C3orf70: variants seen among roughly 807,000 people sequenced by gnomAD.
C3orf70 encodes the protein chromosome 3 open reading frame 70, also known as UPF0524 protein C3orf70.
In C3orf70, 15 loss-of-function variants were observed where a neutral mutation model predicts 20.7. The observed-to-expected ratio is 0.72, with a 90% CI of 0.48 to 1.11. The LOEUF (loss-of-function observed/expected upper bound fraction) is 1.11. C3orf70 is among the 50% of genes most tolerant of loss of function. The probability of loss-of-function intolerance (pLI) is 0.00; values close to 1 mark genes in which losing one functional copy is unlikely to be tolerated. For missense variants in C3orf70, 332 were observed against 317.6 expected, an observed-to-expected ratio of 1.05 and a Z score of -0.34; for synonymous variants, 161 against 125.7, an observed-to-expected ratio of 1.28 and a Z score of -1.88.
chr3:185,125,016 T>C (rs1260492269), intron 1 of C3orf70, among the ~76,000 whole-genome samples: 1 of 152,152 alleles, frequency 6.6e-6, no homozygotes, highest in Non-Finnish European at 1.5e-5. Context: ...TGTCGAGTGC[T>C]GGCAAGGATG....
chr3:185,101,936 G>T (rs536903108), intron 1 of C3orf70, among the ~76,000 whole-genome samples: 1 of 152,106 alleles, frequency 6.6e-6, no homozygotes, highest in Non-Finnish European at 1.5e-5. Flanking sequence ...AAAATAATAA[G>T]AACCATCTAT....
intron 1 of C3orf70, among the ~76,000 whole-genome samples, chr3:185,100,312 C>A (rs969943250): frequency 2.0e-5 from 3 of 152,102 alleles, no homozygotes; most frequent in African/African-American, 7.2e-5. Flanking sequence ...ACACACTCAG[C>A]AAATGCAAAA....
Position 185,076,941 on chromosome 3 carries a change from TAG to T in C3orf70, c.*6064_*6065del, listed in dbSNP as rs1428194969. 3.3e-5 allele frequency among the ~76,000 whole-genome samples: 5 copies of T among 152,054 alleles called. No individual in the cohort carries two copies. Among genetic ancestry groups the T allele is most frequent in the Non-Finnish European group, 7.4e-5 (5 of 68,016 alleles). On this transcript the variant is annotated 3_prime_UTR_variant, in exon 2 of 2. Transcript: ENST00000335012. ...TCTAGGACTTGGCAATACAATTAGG[TAG>T]AGAGTTAAAACAGTAGAGTGCACAC...
chr3:185,123,023 C>T (rs536735742), intron 1 of C3orf70, among the ~76,000 whole-genome samples: 56 of 150,198 alleles, frequency 3.7e-4, no homozygotes, highest in South Asian at 3.0e-3. Flanking sequence ...AAAAGAAATA[C>T]AAAAATTAGC....
chr3:185,114,061 T>C (rs968283447), intron 1 of C3orf70, among the ~76,000 whole-genome samples: 3 of 152,018 alleles, frequency 2.0e-5, no homozygotes, highest in Non-Finnish European at 4.4e-5. Context: ...TAGCCGGCCA[T>C]GGTGGCACAT....
At chr3:185,103,905 G>A (rs948763563) in intron 1 of C3orf70, among the ~76,000 whole-genome samples, 1 of 152,184 alleles carries the variant, frequency 6.6e-6, no homozygotes, top group African/African-American at 2.4e-5. Flanking sequence ...GTGGGAACCT[G>A]CACAGGGAGG....
At position 185,078,690 on chromosome 3, in the gene C3orf70, G is replaced by A. The variant is rs1486944338; in HGVS notation, c.*4317C>T. The A allele has an allele frequency of 6.6e-6, 1 of 152,088 alleles. No individual in the cohort carries two copies. The allele number at this position is 152,088 out of a possible 1,614,324, so 9.4% of individuals were successfully genotyped here. A position where few individuals can be genotyped will look rare whatever the true frequency, so the allele number is the denominator to read the frequency against. On this transcript the variant is annotated 3_prime_UTR_variant, in exon 2 of 2. Coordinates refer to ENST00000335012, the MANE Select transcript of C3orf70 (RefSeq NM_001025266.3). ...TGGTTCACACCTCCTCTGGAGAAGG[G>A]GACAGAAGAGAAAACTGTTAAAACT... is the stretch of plus-strand genomic sequence containing the variant.
rs892807707 is a variant in C3orf70, at chr3:185,152,510, G to C, written c.196+118C>G. 4.7e-5 allele frequency: 41 copies of C among 863,242 alleles called. No individual in the cohort carries two copies. The Middle Eastern group carries it at 1.1e-3, about 24-fold the overall frequency. The allele number at this position is 863,242 out of a possible 1,614,324, so 53.5% of individuals were successfully genotyped here. On this transcript the variant is annotated intron_variant, in intron 1 of 1. Coordinates refer to ENST00000335012, the MANE Select transcript of C3orf70 (RefSeq NM_001025266.3). Reference sequence around the variant, plus strand: ...CCCACGGCGGCCCCAGCCTCCGGCAGAGCAGCCCCGGCAGAGCCCGGAGCC... The same window carrying C: ...CCCACGGCGGCCCCAGCCTCCGGCACAGCAGCCCCGGCAGAGCCCGGAGCC...
intron 1 of C3orf70, among the ~76,000 whole-genome samples, chr3:185,129,588 G>A (rs570552193): frequency 5.5e-4 from 84 of 152,306 alleles, no homozygotes; most frequent in African/African-American, 2.0e-3. Context: ...TGGTGGGACT[G>A]CTGGGTCAAA....
At chr3:185,152,232 G>C (rs886612329) in intron 1 of C3orf70, among the ~76,000 whole-genome samples, 1 of 152,036 alleles carries the variant, frequency 6.6e-6, no homozygotes, top group African/African-American at 2.4e-5. Flanking sequence ...CAGCAACCTT[G>C]AAAAAAGGCA....
chr3:185,113,057 T>G (rs1223601502), intron 1 of C3orf70, among the ~76,000 whole-genome samples: 1 of 152,158 alleles, frequency 6.6e-6, no homozygotes, highest in Non-Finnish European at 1.5e-5. Context: ...CATAGAGATT[T>G]GCAATGAAAA....
intron 1 of C3orf70, among the ~76,000 whole-genome samples, chr3:185,134,631 A>G (rs1447154895): frequency 6.6e-6 from 1 of 152,186 alleles, no homozygotes; most frequent in East Asian, 1.9e-4. Context: ...GAGCAACCTA[A>G]AATGACAAAA....
intron 1 of C3orf70, among the ~76,000 whole-genome samples, chr3:185,094,763 A>G (rs2108590190): frequency 6.6e-6 from 1 of 152,326 alleles, no homozygotes; most frequent in African/African-American, 2.4e-5. Flanking sequence ...TTGGAAAGTC[A>G]TACTTATCCA....
At chr3:185,094,552 C>T (rs1715662257) in intron 1 of C3orf70, among the ~76,000 whole-genome samples, 1 of 151,966 alleles carries the variant, frequency 6.6e-6, no homozygotes, top group African/African-American at 2.4e-5. Context: ...AAGAGCTATT[C>T]TGCTGAATAA....
At position 185,113,293 on chromosome 3, in the gene C3orf70, A is replaced by AAAAAAAG. The variant is rs1473919376; in HGVS notation, c.197-29737_197-29731dup. On this transcript the variant is annotated intron_variant, in intron 1 of 1. Coordinates refer to ENST00000335012, the MANE Select transcript of C3orf70 (RefSeq NM_001025266.3). Reference sequence around the variant, plus strand: ...ATCTCTACTAAAAAATACAAAAAAGAAAAAAAGAAAGTTAATGGCAATGTA... The same window carrying AAAAAAAG: ...ATCTCTACTAAAAAATACAAAAAAGAAAAAAAGAAAAAAGAAAGTTAATGGCAATGTA... Among the ~76,000 whole-genome samples, 14 of 146,560 alleles carry AAAAAAAG rather than the reference A, an allele frequency of 9.6e-5. No homozygotes were observed. The East Asian group carries it at 1.9e-3, about 20-fold the overall frequency.
At chr3:185,147,574 C>T (rs188413874) in intron 1 of C3orf70, among the ~76,000 whole-genome samples, 9 of 152,292 alleles carry the variant, frequency 5.9e-5, no homozygotes, top group Middle Eastern at 3.4e-3. Flanking sequence ...GAGCTAGATC[C>T]GAATCCAGGC....
chr3:185,133,987 G>A (rs554524757), intron 1 of C3orf70, among the ~76,000 whole-genome samples: 2 of 152,142 alleles, frequency 1.3e-5, no homozygotes, highest in South Asian at 4.1e-4. Context: ...TACTCAGGAG[G>A]CTGAGGTGGG....
At chr3:185,096,606 G>C (rs1297802547) in intron 1 of C3orf70, among the ~76,000 whole-genome samples, 1 of 152,138 alleles carries the variant, frequency 6.6e-6, no homozygotes, top group Non-Finnish European at 1.5e-5. Flanking sequence ...GGGTGCGGAG[G>C]ACTCTGCAGG....
At chr3:185,142,209 C>T (rs1025990761) in intron 1 of C3orf70, among the ~76,000 whole-genome samples, 2 of 152,148 alleles carry the variant, frequency 1.3e-5, no homozygotes, top group African/African-American at 4.8e-5. Flanking sequence ...CCTGTAATCC[C>T]TGCACTTTGG....
Sources: allele counts gnomAD v4.1 joint callset (sites outside exome capture counted in the v4.1 genomes callset), GRCh38; gene constraint gnomAD v4.1.1; transcripts MANE v1.5; gene names NCBI Gene and HGNC (gene_info 2026-07-23, HGNC 2026-07-21).